The following TM7SF3 variants were observed in gnomAD, a reference collection of about 807,000 sequenced individuals.
TM7SF3 encodes the protein transmembrane 7 superfamily member 3.
Under a neutral mutation model 65.5 loss-of-function variants are expected in TM7SF3, and 60 were observed. The ratio of observed to expected loss-of-function variants is 0.92; its 90% CI spans 0.74 to 1.14. TM7SF3 has a LOEUF of 1.14. Among genes scored for constraint, TM7SF3 ranks in the 50% most tolerant of loss-of-function variants. TM7SF3 has a pLI of 0.00. For synonymous variants in TM7SF3, 264 were observed against 259.6 expected (o/e 1.02, Z -0.16); for missense variants, 623 against 684.8 (o/e 0.91, Z 1.01).
chr12:27,013,740 C>T (rs1232440072), intron 1 of TM7SF3, among the ~76,000 whole-genome samples: 2 of 152,186 alleles, frequency 1.3e-5, no homozygotes, highest in African/African-American at 2.4e-5. Flanking sequence ...GAAGCTCAGA[C>T]AGTCCACTGG....
intron 2 of TM7SF3, among the ~76,000 whole-genome samples, chr12:27,002,422 GATCTT>G (rs1429045200): frequency 1.3e-5 from 2 of 151,412 alleles, no homozygotes; most frequent in South Asian, 2.1e-4. Flanking sequence ...GATGGAGTGA[GATCTT>G]ATCTCTAAAA....
chr12:26,973,675 A>G lies in TM7SF3; in HGVS notation c.*290T>C. 3.3e-6 allele frequency: 1 copy of G among 298,742 alleles called. No individual in the cohort carries two copies. The highest frequency in any genetic ancestry group is 8.1e-5 in the South Asian group (1 of 12,288). 18.5% of individuals were successfully genotyped at this position (298,742 alleles called of 1,614,324 possible). Reference sequence around the variant, plus strand: ...AGTTTTTAATTTTTTTAATGTATCTATTTAATGGAATAAGTTGATCATAGA... The same window carrying G: ...AGTTTTTAATTTTTTTAATGTATCTGTTTAATGGAATAAGTTGATCATAGA... On this transcript the variant is annotated 3_prime_UTR_variant, in exon 12 of 12. Coordinates refer to ENST00000343028, the MANE Select transcript of TM7SF3 (RefSeq NM_016551.3).
At chr12:26,999,106 C>G (rs1940720107) in intron 3 of TM7SF3, among the ~76,000 whole-genome samples, 1 of 152,088 alleles carries the variant, frequency 6.6e-6, no homozygotes, top group Non-Finnish European at 1.5e-5. Context: ...TAAAATATTT[C>G]TGATTATAGG....
At chr12:26,984,459 A>AAC (rs1179890653) in intron 6 of TM7SF3, among the ~76,000 whole-genome samples, 1 of 151,842 alleles carries the variant, frequency 6.6e-6, no homozygotes, top group East Asian at 1.9e-4. Context: ...CAAAAAAAAA[A>AAC]AACCCAGAAA....
At chr12:27,001,925 T>G (rs1940846331) in intron 2 of TM7SF3, among the ~76,000 whole-genome samples, 1 of 152,234 alleles carries the variant, frequency 6.6e-6, no homozygotes, top group South Asian at 2.1e-4. Flanking sequence ...TTGGGCAAAT[T>G]CGACGTATGT....
chr12:26,975,426 T>G, intron 11 of TM7SF3, 70 bp downstream of exon 11: 6 of 1,527,242 alleles, frequency 3.9e-6, no homozygotes, highest in Non-Finnish European at 5.4e-6. Flanking sequence ...TTCCAAGTGC[T>G]CTGGTTAGCA....
At chr12:27,002,299 C>A (rs1171323524) in intron 2 of TM7SF3, among the ~76,000 whole-genome samples, 2 of 148,556 alleles carry the variant, frequency 1.3e-5, no homozygotes, top group Admixed American at 1.3e-4. Flanking sequence ...CCCATCTCTA[C>A]AAAAAAAAAA....
At chr12:26,994,422 T>C (rs7315248) in intron 5 of TM7SF3, among the ~76,000 whole-genome samples, 11,161 of 152,270 alleles carry the variant, frequency 0.073, 521 homozygotes, top group Non-Finnish European at 0.1. Context: ...TCTGGGCTCA[T>C]TGCAACCTCC....
chr12:26,981,828 C>A (rs996562121), intron 7 of TM7SF3, among the ~76,000 whole-genome samples: 2 of 152,108 alleles, frequency 1.3e-5, no homozygotes, highest in East Asian at 3.9e-4. Context: ...ATAATTCAAA[C>A]CAATTCAGTG....
chr12:26,977,989 G>A (rs1000061396), intron 9 of TM7SF3: 4 of 378,952 alleles, frequency 1.1e-5, no homozygotes, highest in Non-Finnish European at 2.1e-5. Flanking sequence ...CCAGCTACTT[G>A]GGAGGCTGAT....
chr12:26,998,387 C>T (rs943422499), intron 3 of TM7SF3, among the ~76,000 whole-genome samples: 3 of 152,088 alleles, frequency 2.0e-5, no homozygotes, highest in African/African-American at 7.2e-5. Context: ...ACTCCAGGCC[C>T]TTATTTAAAT....
At chr12:26,996,678 A>G (rs1162124713) in intron 4 of TM7SF3, 64 bp downstream of exon 4, 5 of 1,525,362 alleles carry the variant, frequency 3.3e-6, no homozygotes, top group Admixed American at 2.3e-5. Flanking sequence ...GAGCTGGTCA[A>G]ATCTACACAA....
intron 1 of TM7SF3, among the ~76,000 whole-genome samples, chr12:27,010,642 T>C (rs545956212): frequency 6.6e-6 from 1 of 152,360 alleles, no homozygotes; most frequent in Non-Finnish European, 1.5e-5. Context: ...TTATATCTTA[T>C]GACTTGCAGA....
intron 5 of TM7SF3, among the ~76,000 whole-genome samples, chr12:26,994,539 G>A (rs541737998): frequency 6.6e-6 from 1 of 152,168 alleles, no homozygotes; most frequent in African/African-American, 2.4e-5. Context: ...TAGAGACACG[G>A]TTTCACCATG....
In TM7SF3 at chr12:27,003,358, A is replaced by T. The variant is rs371038835; in HGVS notation, c.124T>A (p.Tyr42Asn). ...GGAAAGGGCCTATTGAGCTCGAAGT[A>T]TCTAAATTTCCCCACAGAAAATTCA... ...LIEFSVGKFR[Y>N]FELNRPFPEE... Residue 42 changes from tyrosine (Y) to asparagine (N), a missense_variant, in exon 2 of 12, where the codon TAC becomes AAC. Coordinates refer to ENST00000343028, the MANE Select transcript of TM7SF3 (RefSeq NM_016551.3). The T allele has an allele frequency of 1.2e-6, 2 of 1,612,806 alleles. No individual in the cohort carries two copies. Among genetic ancestry groups the T allele is most frequent in the African/African-American group, 2.7e-5 (2 of 74,900 alleles).
chr12:26,979,689 C>T, intron 9 of TM7SF3, 95 bp downstream of exon 9: 1 of 1,375,914 alleles, frequency 7.3e-7, no homozygotes, highest in Non-Finnish European at 1.0e-6. Context: ...ACAGGAGAAG[C>T]ACTGACATGC....
chr12:27,014,033 G>A (rs1375288335), intron 1 of TM7SF3, 45 bp downstream of exon 1: 14 of 1,513,774 alleles, frequency 9.2e-6, no homozygotes, highest in African/African-American at 1.4e-5. Context: ...CGCAAGAAAT[G>A]CAAAAGCAAC....
intron 1 of TM7SF3, 56 bp from the exon 2 acceptor site, chr12:27,003,446 A>C (rs945282143): frequency 6.8e-7 from 1 of 1,476,822 alleles, no homozygotes; most frequent in African/African-American, 1.4e-5. Flanking sequence ...CAATTTGCAG[A>C]AATCATATTC....
At chr12:27,012,017 A>G (rs1312412336) in intron 1 of TM7SF3, among the ~76,000 whole-genome samples, 1 of 152,220 alleles carries the variant, frequency 6.6e-6, no homozygotes, top group Non-Finnish European at 1.5e-5. Context: ...CTAATATCTC[A>G]AATTCTTCAC....
Sources: gnomAD v4.1 joint callset for allele counts (sites outside exome capture counted in the v4.1 genomes callset) on GRCh38, gnomAD v4.1.1 for gene constraint, MANE v1.5 for transcripts, NCBI Gene and HGNC (gene_info 2026-07-23, HGNC 2026-07-21) for gene names.